Variants in ALK observed in about 807,000 individuals in gnomAD.
The protein encoded by ALK is ALK receptor tyrosine kinase, also known as ALK tyrosine kinase receptor.
A neutral mutation model predicts 163.1 loss-of-function variants in ALK; 74 were observed. The ratio of observed to expected loss-of-function variants is 0.45; its 90% CI spans 0.38 to 0.55. ALK has a LOEUF of 0.55. Ranked by LOEUF, ALK falls within the 20% of genes least tolerant of loss-of-function variation. ALK has a pLI of 0.00. For missense variants in ALK, 2,063 were observed against 2,105.3 expected (o/e 0.98, Z 0.39); for synonymous variants, 960 against 843.2 (o/e 1.14, Z -2.40).
At chr2:29,851,537 C>A (rs1665992212) in intron 1 of ALK, among the ~76,000 whole-genome samples, 1 of 152,084 alleles carries the variant, frequency 6.6e-6, no homozygotes, top group Admixed American at 6.5e-5. Flanking sequence ...ATGCCTAGAC[C>A]AGTTGTTCTC....
chr2:29,809,129 T>G (rs1171790041), intron 1 of ALK, among the ~76,000 whole-genome samples: 1 of 152,110 alleles, frequency 6.6e-6, no homozygotes, highest in African/African-American at 2.4e-5. Flanking sequence ...AGCATATGAG[T>G]TTTACAGAAG....
chr2:29,863,780 T>C (rs1666354773), intron 1 of ALK, among the ~76,000 whole-genome samples: 1 of 152,196 alleles, frequency 6.6e-6, no homozygotes. Context: ...ACTGGGCATT[T>C]ACTCAAGGGA....
intron 4 of ALK, among the ~76,000 whole-genome samples, chr2:29,411,354 T>C (rs1291836297): frequency 6.6e-6 from 1 of 152,208 alleles, no homozygotes; most frequent in Non-Finnish European, 1.5e-5. Flanking sequence ...CAGGGTGGAT[T>C]TCTTGCTTTG....
At chr2:29,851,786 G>A (rs549751119) in intron 1 of ALK, among the ~76,000 whole-genome samples, 21 of 152,278 alleles carry the variant, frequency 1.4e-4, no homozygotes, top group African/African-American at 4.6e-4. Flanking sequence ...CCATTTCTAC[G>A]ACTCTGTTGT....
chr2:29,617,725 C>T (rs1573502445), intron 3 of ALK, among the ~76,000 whole-genome samples: 1 of 152,184 alleles, frequency 6.6e-6, no homozygotes. Flanking sequence ...GGAGCACTAT[C>T]TTCCCTACTA....
intron 26 of ALK, among the ~76,000 whole-genome samples, chr2:29,198,512 AT>A (rs1189379115): frequency 2.0e-5 from 3 of 152,230 alleles, no homozygotes; most frequent in Non-Finnish European, 2.9e-5. Flanking sequence ...TAATCTAGTA[AT>A]TCAGGGTAAT....
At chr2:29,781,214 T>G (rs1286645464) in intron 1 of ALK, among the ~76,000 whole-genome samples, 1 of 152,220 alleles carries the variant, frequency 6.6e-6, no homozygotes, top group African/African-American at 2.4e-5. Flanking sequence ...CTGTCAGGGC[T>G]GTGGAGGCAG....
Position 29,352,462 on chromosome 2 carries a change from C to T in ALK, c.1283-23981G>A, listed in dbSNP as rs1426451741. Among the ~76,000 whole-genome samples, 3 of 152,370 alleles carry T rather than the reference C, an allele frequency of 2.0e-5. No individual in the cohort carries two copies. In the East Asian group the frequency reaches 5.8e-4, roughly 29 times the overall value. On this transcript the variant is annotated intron_variant, in intron 5 of 28. Coordinates refer to ENST00000389048, the MANE Select transcript of ALK (RefSeq NM_004304.5). The stretch of plus-strand genomic sequence containing the variant: ...CCTCCCCAACCTTGCTCTCCTACAT[C>T]ACGCCCAGAATGTTCCATGCCTGCC...
chr2:29,694,969 G>A lies in ALK; in HGVS notation c.833C>T (p.Pro278Leu), dbSNP rs199703254. ...FDFPCELEYS[P>L]PLHDLRNQSW... ...CTGGTTCCTGAGGTCATGCAGTGGA[G>A]GGGAATACTCCAGCTCACAGGGGAA... Residue 278 changes from proline (P) to leucine (L), a missense_variant, in exon 3 of 29, where the codon CCT (proline) becomes CTT (leucine). Transcript: ENST00000389048. 1.2e-5 allele frequency: 19 copies of A among 1,614,140 alleles called. No individual in the cohort carries two copies. The East Asian group carries it at 4.0e-4, about 34-fold the overall frequency.
chr2:29,543,560 C>A (rs1673471506), intron 3 of ALK, among the ~76,000 whole-genome samples: 1 of 152,202 alleles, frequency 6.6e-6, no homozygotes, highest in Non-Finnish European at 1.5e-5. Flanking sequence ...GGTTAAGCAT[C>A]CTGCTACCCT....
chr2:29,883,672 C>T (rs1255206765), intron 1 of ALK, among the ~76,000 whole-genome samples: 1 of 152,078 alleles, frequency 6.6e-6, no homozygotes, highest in Non-Finnish European at 1.5e-5. Context: ...CAGACCTGCT[C>T]ACTCCTTGAA....
intron 1 of ALK, among the ~76,000 whole-genome samples, chr2:29,790,255 G>A (rs534885839): frequency 1.2e-4 from 19 of 152,254 alleles, no homozygotes; most frequent in Admixed American, 7.2e-4. Flanking sequence ...TGTCAGGATG[G>A]AGGGTGGCGG....
chr2:29,693,819 C>T (rs1651601238), intron 3 of ALK, among the ~76,000 whole-genome samples: 1 of 152,172 alleles, frequency 6.6e-6, no homozygotes, highest in Admixed American at 6.5e-5. Flanking sequence ...GGACTCATCA[C>T]AGCAAGTATT....
At chr2:29,235,365 A>G (rs190204280) in intron 13 of ALK, among the ~76,000 whole-genome samples, 1 of 152,306 alleles carries the variant, frequency 6.6e-6, no homozygotes, top group East Asian at 1.9e-4. Flanking sequence ...GGGTGCCGGC[A>G]ATGAGTACTA....
intron 3 of ALK, among the ~76,000 whole-genome samples, chr2:29,582,161 T>C (rs1029829421): frequency 6.6e-6 from 1 of 152,210 alleles, no homozygotes; most frequent in Non-Finnish European, 1.5e-5. Context: ...ATAGAGCCAC[T>C]TCTGGAGGGA....
At chr2:29,801,061 C>G (rs1224809396) in intron 1 of ALK, among the ~76,000 whole-genome samples, 2 of 152,134 alleles carry the variant, frequency 1.3e-5, no homozygotes, top group African/African-American at 4.8e-5. Context: ...CCCCCAACCT[C>G]CCAAGAACCT....
At position 29,222,627 on chromosome 2, in the gene ALK, A is replaced by G. The variant is rs2148169505; in HGVS notation, c.3360-20T>C. 6.2e-7 allele frequency: 1 copy of G among 1,608,604 alleles called. No individual in the cohort carries two copies. Among genetic ancestry groups the G allele is most frequent in the Non-Finnish European group, 8.5e-7 (1 of 1,176,602 alleles). On this transcript the variant is annotated intron_variant, in intron 20 of 28. Transcript: ENST00000389048. The stretch of plus-strand genomic sequence containing the variant: ...AGACCCCTGTGCAAAGGAGAAGACA[A>G]GAGGAGACAGAGTCAAACAGGCCAC...
At chr2:29,308,282 T>A (rs1274825102) in intron 8 of ALK, among the ~76,000 whole-genome samples, 2 of 152,208 alleles carry the variant, frequency 1.3e-5, no homozygotes, top group Admixed American at 6.5e-5. Context: ...TCTAAATCTA[T>A]CTGTCTGGAA....
intron 3 of ALK, among the ~76,000 whole-genome samples, chr2:29,656,687 T>G (rs1677194361): frequency 6.6e-6 from 1 of 152,142 alleles, no homozygotes; most frequent in Admixed American, 6.6e-5. Context: ...AAACAGCAAG[T>G]GAGTGGTAAA....
Sources: gnomAD v4.1 joint callset for allele counts (sites outside exome capture counted in the v4.1 genomes callset) on GRCh38, gnomAD v4.1.1 for gene constraint, MANE v1.5 for transcripts, NCBI Gene and HGNC (gene_info 2026-07-23, HGNC 2026-07-21) for gene names.